Variants in USP24 observed in about 807,000 individuals in gnomAD.
The protein encoded by USP24 is ubiquitin carboxyl-terminal hydrolase 24.
A neutral mutation model predicts 361.6 loss-of-function variants in USP24; 97 were observed. The observed-to-expected ratio is 0.27, with a 90% CI of 0.23 to 0.32. The LOEUF is 0.32. Among genes scored for constraint, USP24 ranks in the 10% least tolerant of loss-of-function variants. The pLI is 1.00. For missense variants in USP24, 2,353 were observed against 3,165.6 expected, an observed-to-expected ratio of 0.74 and a Z score of 6.16; for synonymous variants, 1,098 against 1,124.6, an observed-to-expected ratio of 0.98 and a Z score of 0.47.
chr1:55,168,578 G>A (rs1410484542), intron 5 of USP24, among the ~76,000 whole-genome samples: 3 of 152,092 alleles, frequency 2.0e-5, no homozygotes, highest in Non-Finnish European at 4.4e-5. Flanking sequence ...ATCAACCCCA[G>A]GTGGGACAGG....
intron 1 of USP24, among the ~76,000 whole-genome samples, chr1:55,193,586 A>G (rs1168728654): frequency 6.6e-6 from 1 of 152,126 alleles, no homozygotes; most frequent in African/African-American, 2.4e-5. Flanking sequence ...CCTCAGTTTT[A>G]GCAGCCAGCA....
chr1:55,130,001 T>C (rs1646545626), intron 31 of USP24, among the ~76,000 whole-genome samples: 1 of 152,228 alleles, frequency 6.6e-6, no homozygotes, highest in South Asian at 2.1e-4. Context: ...CTACAATGTA[T>C]CAGGCATATG....
intron 40 of USP24, among the ~76,000 whole-genome samples, chr1:55,106,948 T>C (rs1645790827): frequency 6.6e-6 from 1 of 152,176 alleles, no homozygotes; most frequent in Admixed American, 6.5e-5. Flanking sequence ...ACAAAGTACA[T>C]AACAGCAAAA....
chr1:55,190,182 A>AAG (rs1553170064), intron 1 of USP24, among the ~76,000 whole-genome samples: 5 of 151,064 alleles, frequency 3.3e-5, no homozygotes, highest in Admixed American at 1.3e-4. Context: ...AAAAAAAAAA[A>AAG]AAAGAAAGAA....
At chr1:55,084,237 C>G (rs1645206499) in intron 56 of USP24, among the ~76,000 whole-genome samples, 1 of 152,078 alleles carries the variant, frequency 6.6e-6, no homozygotes, top group Non-Finnish European at 1.5e-5. Flanking sequence ...TTCTGAATCC[C>G]TCCCTCCACT....
chr1:55,135,818 A>G (rs1646718369), intron 28 of USP24, among the ~76,000 whole-genome samples: 1 of 152,224 alleles, frequency 6.6e-6, no homozygotes, highest in Non-Finnish European at 1.5e-5. Context: ...ACTTTACATT[A>G]GCTTGCTTTC....
intron 56 of USP24, among the ~76,000 whole-genome samples, chr1:55,084,906 T>C (rs966488283): frequency 9.2e-5 from 14 of 152,214 alleles, no homozygotes; most frequent in African/African-American, 1.7e-4. Flanking sequence ...GAGGCTGCAC[T>C]AACTCTGCCT....
At chr1:55,114,910 G>GA (rs1339906903) in intron 38 of USP24, among the ~76,000 whole-genome samples, 3 of 152,092 alleles carry the variant, frequency 2.0e-5, no homozygotes, top group Non-Finnish European at 4.4e-5. Flanking sequence ...ATAATTAAAT[G>GA]AAAGAGCTTC....
intron 38 of USP24, among the ~76,000 whole-genome samples, chr1:55,117,721 C>T (rs376198449): frequency 1.6e-4 from 19 of 116,626 alleles, no homozygotes; most frequent in Admixed American, 4.0e-4. Context: ...CCGGCCTGGG[C>T]GACAGAGCGA....
intron 1 of USP24, among the ~76,000 whole-genome samples, chr1:55,179,945 A>T (rs1232004099): frequency 6.6e-6 from 1 of 152,180 alleles, no homozygotes; most frequent in Non-Finnish European, 1.5e-5. Flanking sequence ...TAACCTTAAA[A>T]TCTTCATGGC....
At chr1:55,132,873 A>G (rs77029112) in intron 30 of USP24, among the ~76,000 whole-genome samples, 173 bp from the exon 31 acceptor site, 4,346 of 152,354 alleles carry the variant, frequency 0.029, 69 homozygotes, top group Non-Finnish European at 0.037. Context: ...TTAAAACATC[A>G]AACTTCATCA....
At chr1:55,090,097 C>T (rs1328135227) in intron 54 of USP24, among the ~76,000 whole-genome samples, 2 of 152,144 alleles carry the variant, frequency 1.3e-5, no homozygotes, top group Non-Finnish European at 2.9e-5. Context: ...TTAATTTACA[C>T]TCACAAAATG....
chr1:55,149,700 A>G (rs532757965), intron 16 of USP24, among the ~76,000 whole-genome samples: 1 of 152,336 alleles, frequency 6.6e-6, no homozygotes, highest in African/African-American at 2.4e-5. Context: ...GCACAGGAGT[A>G]AGTTTTTATA....
intron 1 of USP24, among the ~76,000 whole-genome samples, chr1:55,192,134 G>A (rs1557692584): frequency 1.4e-5 from 2 of 138,784 alleles, no homozygotes; most frequent in Admixed American, 7.9e-5. Flanking sequence ...AAGCTTTTAA[G>A]TTAATAAGAG....
intron 32 of USP24, among the ~76,000 whole-genome samples, chr1:55,127,695 G>C (rs1646473829): frequency 2.0e-5 from 3 of 152,172 alleles, no homozygotes; most frequent in Admixed American, 6.5e-5. Context: ...CAGTGTAAAA[G>C]TGTTCCTATT....
intron 19 of USP24, 99 bp downstream of exon 19, chr1:55,146,830 T>A: frequency 6.9e-7 from 1 of 1,445,972 alleles, no homozygotes; most frequent in South Asian, 1.3e-5. Flanking sequence ...TATTTATGCT[T>A]ATATAAACTG....
rs1246008499 is a variant in USP24 at position 55,069,030 on chromosome 1, G to A, written c.*15C>T. On this transcript the variant is annotated 3_prime_UTR_variant, in exon 68 of 68. Transcript: ENST00000294383. ...AGTATTGTGTCTTGACTCCTCTCAG[G>A]CTGGGCATGTTCCTCTAGGGATCAA... is the stretch of plus-strand genomic sequence containing the variant. The A allele has an allele frequency of 6.2e-7, 1 of 1,613,602 alleles. No individual in the cohort carries two copies. Among genetic ancestry groups the A allele is most frequent in the African/African-American group, 1.3e-5 (1 of 74,908 alleles).
intron 28 of USP24, 92 bp downstream of exon 28, chr1:55,137,423 C>A (rs1439813178): frequency 2.2e-6 from 3 of 1,393,060 alleles, no homozygotes; most frequent in Non-Finnish European, 2.9e-6. Context: ...ACTAATGAAT[C>A]CCAGCATTTG....
chr1:55,078,785 GT>G, intron 60 of USP24, 134 bp from the exon 61 acceptor site: 1 of 629,286 alleles, frequency 1.6e-6, no homozygotes, highest in Non-Finnish European at 2.6e-6. Context: ...TTTCTTAACT[GT>G]TAGAAGTCTA....
Sources: gnomAD v4.1 joint callset for allele counts (sites outside exome capture counted in the v4.1 genomes callset) on GRCh38, gnomAD v4.1.1 for gene constraint, MANE v1.5 for transcripts, NCBI Gene and HGNC (gene_info 2026-07-23, HGNC 2026-07-21) for gene names.